PCDH10: variants seen among roughly 807,000 people sequenced by gnomAD.
PCDH10 encodes protocadherin-10.
A neutral mutation model predicts 74.4 loss-of-function variants in PCDH10; 15 were observed. That is an observed-to-expected ratio of 0.20 (90% CI 0.13 to 0.31). PCDH10 has a LOEUF of 0.31. Ranked by LOEUF, PCDH10 falls within the 10% of genes least tolerant of loss-of-function variation. The probability of loss-of-function intolerance (pLI) is 1.00; values close to 1 mark genes in which losing one functional copy is unlikely to be tolerated. For missense variants in PCDH10, 1,260 were observed against 1,390.2 expected (o/e 0.91, Z 1.49); for synonymous variants, 619 against 589.8 (o/e 1.05, Z -0.72).
intron 4 of PCDH10, among the ~76,000 whole-genome samples, chr4:133,170,692 T>A (rs1727184964): frequency 7.1e-6 from 1 of 140,836 alleles, no homozygotes; most frequent in East Asian, 2.0e-4. Flanking sequence ...GTATTCTTTT[T>A]GTTTTTGATT....
chr4:133,195,343 C>G (rs571469592), downstream of PCDH10, among the ~76,000 whole-genome samples: 1 of 152,088 alleles, frequency 6.6e-6, no homozygotes, highest in East Asian at 1.9e-4. Context: ...AGGTGTTTCT[C>G]TTGCTTTGAA....
At chr4:133,153,112 G>A (rs894352057) in intron 1 of PCDH10, 18 of 1,304,098 alleles carry the variant, frequency 1.4e-5, no homozygotes, top group Non-Finnish European at 1.7e-5. Context: ...ATGTGGAGGA[G>A]GGACTTACTT....
At chr4:133,177,007 C>CT in intron 4 of PCDH10, among the ~76,000 whole-genome samples, 5 of 151,744 alleles carry the variant, frequency 3.3e-5, no homozygotes, top group African/African-American at 7.3e-5. Flanking sequence ...AATCAATGTC[C>CT]ATATAGAATT....
rs142202092 is a variant in PCDH10, at chr4:133,163,070, G to A, written c.2891G>A (p.Arg964His). 4 of 1,613,948 alleles carry A rather than the reference G, an allele frequency of 2.5e-6. No homozygotes were observed. The highest frequency in any genetic ancestry group is 1.1e-5 in the South Asian group (1 of 91,082). The change falls in exon 4 of 5, where the codon CGC becomes CAC. Residue 964 changes from arginine to histidine, a missense_variant. Arg to His is a conservative substitution (Grantham distance 29, BLOSUM62 0). This residue lies in a region of PCDH10 where 136 missense variants were observed against 149.3 expected (regional missense o/e 0.91). Coordinates refer to ENST00000264360, the MANE Select transcript of PCDH10 (RefSeq NM_032961.3). The stretch of plus-strand genomic sequence containing the variant: ...CCTTCTTTTGTCCCTTCTGATGGAC[G>A]CCAGGCTGCTGATTATCGCAGCAAT... ...WMPSFVPSDGRQAADYRSNLH... is the reference protein window; with the variant it reads ...WMPSFVPSDGHQAADYRSNLH...
intron 4 of PCDH10, among the ~76,000 whole-genome samples, chr4:133,183,335 T>G (rs1019668465): frequency 5.3e-5 from 8 of 152,092 alleles, no homozygotes; most frequent in Non-Finnish European, 8.8e-5. Flanking sequence ...AAGGTAGTTT[T>G]GATTTACACA....
Position 133,150,966 on chromosome 4 carries a change from G to C in PCDH10, c.826G>C (p.Asp276His). ...TCTCGTGATCCAGCTCAACGCCACC[G>C]ACCCGGACGAGGGCCAGAACGGTGA... ...GTLVIQLNAT[D>H]PDEGQNGEVV... Residue 276 changes from aspartate (D) to histidine (H), a missense_variant, in exon 1 of 5, where the codon GAC becomes CAC. Physicochemically the swap from Asp to His is moderately conservative, Grantham distance 81 (BLOSUM62 -1). Around this residue, in one of 11 missense-constraint regions of PCDH10, gnomAD observed 192 missense variants for 161.2 expected, o/e 1.19. Coordinates refer to ENST00000264360, the MANE Select transcript of PCDH10 (RefSeq NM_032961.3). 1 of 1,613,928 alleles carries C rather than the reference G, an allele frequency of 6.2e-7. No individual in the cohort carries two copies. The highest frequency in any genetic ancestry group is 8.5e-7 in the Non-Finnish European group (1 of 1,180,044).
At position 133,151,244 on chromosome 4, in the gene PCDH10, T is replaced by A. The variant is rs760608365; in HGVS notation, c.1104T>A (p.Ser368Arg). 16 of 1,613,680 alleles carry A rather than the reference T, an allele frequency of 9.9e-6. No individual in the cohort carries two copies. The highest frequency in any genetic ancestry group is 1.3e-5 in the Non-Finnish European group (15 of 1,179,936). The change falls in exon 1 of 5, where the codon AGT becomes AGA. Residue 368 changes from serine (S) to arginine (R), a missense_variant. This residue lies in a region of PCDH10 where 112 missense variants were observed against 123.6 expected (regional missense o/e 0.91). Coordinates refer to ENST00000264360, the MANE Select transcript of PCDH10 (RefSeq NM_032961.3). ...ISFSTVKEAV[S>R]EGAAPGTVVA... The stretch of plus-strand genomic sequence containing the variant: ...TCAGCACCGTGAAGGAAGCGGTGAG[T>A]GAGGGCGCGGCGCCCGGCACTGTGG...
intron 4 of PCDH10, among the ~76,000 whole-genome samples, chr4:133,184,125 A>G (rs2125871400): frequency 6.6e-6 from 1 of 152,232 alleles, no homozygotes; most frequent in South Asian, 2.1e-4. Flanking sequence ...TTATTTTACA[A>G]GATTTGCTTT....
downstream of PCDH10, among the ~76,000 whole-genome samples, chr4:133,199,504 G>A (rs76921769): frequency 6.2e-3 from 928 of 150,318 alleles, 29 homozygotes; most frequent in Admixed American, 0.053. Context: ...GGGACAAATA[G>A]GATGTACTTC....
rs767979993 is a variant in PCDH10 at position 133,152,769 on chromosome 4, G to A, written c.2629G>A (p.Glu877Lys). 2 of 1,614,198 alleles carry A rather than the reference G, an allele frequency of 1.2e-6. No individual in the cohort carries two copies. The highest frequency in any genetic ancestry group is 2.2e-5 in the East Asian group (1 of 44,878). ...CTCCAACGGAAGCATTTTGTCCAAC[G>A]AGGTAAGGCTGAAGCGAAAGGACCA... ...IISNGSILSN[E>K]TKHQRAELSY... The change falls in exon 1 of 5, where the codon GAG (glutamate) becomes AAG (lysine). Residue 877 changes from glutamate (E) to lysine (K), a missense_variant and splice_region_variant. This residue lies in a region of PCDH10 where 587 missense variants were observed against 616.9 expected (regional missense o/e 0.95). Transcript: ENST00000264360.
At chr4:133,196,893 C>A (rs547309134), downstream of PCDH10, among the ~76,000 whole-genome samples, 5 of 152,308 alleles carry the variant, frequency 3.3e-5, no homozygotes, top group South Asian at 1.0e-3. Context: ...CATTTAACCA[C>A]TGATCTTGGT....
In PCDH10 at chr4:133,163,201, G is replaced by A. The variant is rs759439564; in HGVS notation, c.3022G>A (p.Ala1008Thr). 5.0e-6 allele frequency: 8 copies of A among 1,614,126 alleles called. No homozygotes were observed. In the East Asian group the frequency reaches 1.6e-4, roughly 31 times the overall value. Residue 1008 changes from alanine (A) to threonine (T), a missense_variant, in exon 4 of 5, where the codon GCC (alanine) becomes ACC (threonine). By Grantham distance (58) the Ala-to-Thr change is moderately conservative. Coordinates refer to ENST00000264360, the MANE Select transcript of PCDH10 (RefSeq NM_032961.3). ...CTTTTCCACCTTTGGCAAAGAGAAG[G>A]CCCTTCACAGCACTCTGGAGAGGAA... ...RSFSTFGKEK[A>T]LHSTLERKEL...
chr4:133,179,025 T>G (rs2125869388), intron 4 of PCDH10, among the ~76,000 whole-genome samples: 1 of 152,258 alleles, frequency 6.6e-6, no homozygotes, highest in Admixed American at 6.5e-5. Flanking sequence ...TCATCTCTTT[T>G]TTTCCTTTCA....
chr4:133,178,465 ACC>A lies in PCDH10; in HGVS notation c.3104-11675_3104-11674del, dbSNP rs1229140177. 3.3e-4 allele frequency among the ~76,000 whole-genome samples: 50 copies of A among 151,354 alleles called. No homozygotes were observed. The East Asian group carries it at 8.8e-3, about 27-fold the overall frequency. The stretch of plus-strand genomic sequence containing the variant: ...TGGTCAGGCTGGTCTCGAACTCTCG[ACC>A]TCAGGTGATTGGTCTGCCTTGGCCT... On this transcript the variant is annotated intron_variant, in intron 4 of 4. Transcript: ENST00000264360.
Position 133,192,180 on chromosome 4 carries a change from G to C in PCDH10, c.*2020G>C, listed in dbSNP as rs992466068. 4 of 151,456 alleles carry C rather than the reference G, an allele frequency of 2.6e-5. No homozygotes were observed. The highest frequency in any genetic ancestry group is 4.4e-5 in the Non-Finnish European group (3 of 67,648). 9.4% of individuals were successfully genotyped at this position (151,456 alleles called of 1,614,324 possible). A position where few individuals can be genotyped will look rare whatever the true frequency, so the allele number is the denominator to read the frequency against. On this transcript the variant is annotated 3_prime_UTR_variant, in exon 5 of 5. Transcript: ENST00000264360. ...TAACAGATCATATGTAATACAAAAA[G>C]CACATAAATTCACTAAGTGCAGCAG...
At chr4:133,199,790 T>TTATTAC (rs1425138515) in intron 2 of PCDH10, among the ~76,000 whole-genome samples, 1 of 127,770 alleles carries the variant, frequency 7.8e-6, no homozygotes, top group African/African-American at 3.1e-5. Flanking sequence ...ATTATTACTA[T>TTATTAC]TATTATTATT....
chr4:133,170,220 A>G (rs1727175370), intron 4 of PCDH10, among the ~76,000 whole-genome samples: 1 of 152,132 alleles, frequency 6.6e-6, no homozygotes, highest in Non-Finnish European at 1.5e-5. Flanking sequence ...CTCGTACCTT[A>G]TATAGCATCA....
rs78124838 is a variant in PCDH10 at position 133,178,590 on chromosome 4, G to A, written c.3104-11551G>A. 8.4e-4 allele frequency among the ~76,000 whole-genome samples: 127 copies of A among 151,708 alleles called. 1 individual carries two copies. Among genetic ancestry groups the A allele is most frequent in the African/African-American group, 3.0e-3 (124 of 41,162 alleles). On this transcript the variant is annotated intron_variant, in intron 4 of 4. Coordinates refer to ENST00000264360, the MANE Select transcript of PCDH10 (RefSeq NM_032961.3). ...GCAGAAAACAGACATGAGGAAAGATGATAACTTAAAATACTGGTAAATTGA... is the reference window on the plus strand; with the variant it reads ...GCAGAAAACAGACATGAGGAAAGATAATAACTTAAAATACTGGTAAATTGA...
chr4:133,199,289 A>AAATGATAATAATAAT (rs1727855048), downstream of PCDH10, among the ~76,000 whole-genome samples: 3 of 136,682 alleles, frequency 2.2e-5, no homozygotes, highest in African/African-American at 8.3e-5. Flanking sequence ...CCCTGTCTCA[A>AAATGATAATAATAAT]AATAATAATA....
Sources: gnomAD v4.1 joint callset for allele counts (sites outside exome capture counted in the v4.1 genomes callset) on GRCh38, gnomAD v4.1.1 for gene constraint, gnomAD v4.1.1 regional missense constraint, MANE v1.5 for transcripts, NCBI Gene and HGNC (gene_info 2026-07-23, HGNC 2026-07-21) for gene names.